Variants in KLHL20 observed in about 807,000 individuals in gnomAD.
KLHL20 encodes the protein kelch-like protein 20.
A neutral mutation model predicts 69.5 loss-of-function variants in KLHL20; 29 were observed. The observed-to-expected ratio is 0.42, with a 90% CI of 0.31 to 0.57. The LOEUF is 0.57. Ranked by LOEUF, KLHL20 falls within the 20% of genes least tolerant of loss-of-function variation. KLHL20 has a pLI of 0.18. For missense variants in KLHL20, 419 were observed against 776.0 expected (o/e 0.54, Z 5.47); for synonymous variants, 253 against 265.2 (o/e 0.95, Z 0.45).
intron 3 of KLHL20, chr1:173,734,536 A>G: frequency 2.2e-6 from 1 of 455,582 alleles, no homozygotes; most frequent in Non-Finnish European, 4.0e-6. Flanking sequence ...AAATTTTTAA[A>G]AAGGTTTATT....
At position 173,733,902 on chromosome 1, in the gene KLHL20, G is replaced by A. The variant is rs1414271910; in HGVS notation, c.213G>A (p.Val71=). 1.2e-6 allele frequency: 2 copies of A among 1,614,174 alleles called. No homozygotes were observed. Among genetic ancestry groups the A allele is most frequent in the South Asian group, 1.1e-5 (1 of 91,086 alleles). ...AGCACCGGGAGCTATGTGATGTGGT[G>A]CTAGTTGTGGGCGCCAAGAAGATAT... ...LRKHRELCDV[V]LVVGAKKIYA... The change falls in exon 3 of 12, where the codon GTG becomes GTA. Residue 71 remains valine (V), a synonymous_variant. Transcript: ENST00000209884.
At chr1:173,782,477 C>T (rs1406078230) in intron 11 of KLHL20, among the ~76,000 whole-genome samples, 3 of 151,920 alleles carry the variant, frequency 2.0e-5, no homozygotes, top group Admixed American at 1.3e-4. Context: ...GAAAAAAAAT[C>T]TTCCTAGTCC....
chr1:173,753,779 A>T (rs1673411213), intron 5 of KLHL20, among the ~76,000 whole-genome samples: 1 of 152,218 alleles, frequency 6.6e-6, no homozygotes, highest in Non-Finnish European at 1.5e-5. Context: ...AAAGATTTTC[A>T]CTAAAACTAG....
chr1:173,756,280 T>G (rs1199944323), intron 6 of KLHL20, among the ~76,000 whole-genome samples: 1 of 129,404 alleles, frequency 7.7e-6, no homozygotes, highest in Non-Finnish European at 1.5e-5. Context: ...TGTTGGCTGG[T>G]CACAGTGGCT....
At chr1:173,730,614 T>G (rs1481845757) in intron 2 of KLHL20, among the ~76,000 whole-genome samples, 2 of 152,144 alleles carry the variant, frequency 1.3e-5, no homozygotes. Flanking sequence ...AAACAAGCAA[T>G]GGGGAAAGGA....
chr1:173,724,635 T>A (rs968109779), intron 2 of KLHL20, among the ~76,000 whole-genome samples: 1 of 152,144 alleles, frequency 6.6e-6, no homozygotes, highest in Non-Finnish European at 1.5e-5. Context: ...ATATGAAATA[T>A]GAATATAAGA....
At chr1:173,751,543 T>C (rs1408733830) in intron 3 of KLHL20, among the ~76,000 whole-genome samples, 1 of 152,226 alleles carries the variant, frequency 6.6e-6, no homozygotes, top group East Asian at 1.9e-4. Flanking sequence ...TAAGTCATTT[T>C]TCTTAAATTG....
At chr1:173,743,194 C>T (rs1029985960) in intron 3 of KLHL20, among the ~76,000 whole-genome samples, 15 of 148,610 alleles carry the variant, frequency 1.0e-4, no homozygotes. Context: ...ATTAAAGAAA[C>T]ATATTTCAAA....
Position 173,785,160 on chromosome 1 carries a change from C to T in KLHL20, c.1746-3C>T, listed in dbSNP as rs1305090098. On this transcript the variant is annotated splice_region_variant and splice_polypyrimidine_tract_variant and intron_variant, in intron 11 of 11. Transcript: ENST00000209884. ...AAATATGATTATGTTTCTTTCTTTG[C>T]AGGTTATATGGCGGGATGAATTACC... The T allele has an allele frequency of 6.2e-7, 1 of 1,607,964 alleles. No homozygotes were observed. The highest frequency in any genetic ancestry group is 8.5e-7 in the Non-Finnish European group (1 of 1,177,312).
chr1:173,755,614 C>A (rs1673516392), intron 5 of KLHL20, among the ~76,000 whole-genome samples: 4 of 152,148 alleles, frequency 2.6e-5, no homozygotes, highest in Admixed American at 2.6e-4. Context: ...AGTAGTAACT[C>A]TGCAGTGTGG....
At chr1:173,751,978 C>T in intron 4 of KLHL20, 56 bp downstream of exon 4, 1 of 1,544,262 alleles carries the variant, frequency 6.5e-7, no homozygotes, top group South Asian at 1.2e-5. Context: ...TGGCTCATGA[C>T]TGTAATCCCA....
intron 7 of KLHL20, among the ~76,000 whole-genome samples, chr1:173,764,173 G>A (rs138590763): frequency 0.026 from 3,905 of 152,196 alleles, 184 homozygotes; most frequent in African/African-American, 0.09. Context: ...ACCACAATGC[G>A]ATACCACCTT....
rs1648411098 is a variant in KLHL20 at position 173,775,648 on chromosome 1, C to A, written c.1444C>A (p.Pro482Thr). The A allele has an allele frequency of 1.2e-6, 2 of 1,613,964 alleles. No homozygotes were observed. Among genetic ancestry groups the A allele is most frequent in the South Asian group, 2.2e-5 (2 of 91,076 alleles). The stretch of plus-strand genomic sequence containing the variant: ...TTTCCCTACAGTGGAACGTTACAAT[C>A]CTCAGGAAAACAGATGGCACACTAT... Reference protein sequence around the residue: ...SPLNTVERYNPQENRWHTIAP... With the variant: ...SPLNTVERYNTQENRWHTIAP... Residue 482 changes from proline (P) to threonine (T), a missense_variant, in exon 10 of 12, where the codon CCT becomes ACT. Around this residue, in one of 6 missense-constraint regions of KLHL20, gnomAD observed 56 missense variants for 75.9 expected, o/e 0.74. Transcript: ENST00000209884.
At chr1:173,775,875 A>G (rs749388157) in intron 10 of KLHL20, 33 bp downstream of exon 10, 3 of 1,584,182 alleles carry the variant, frequency 1.9e-6, no homozygotes, top group African/African-American at 1.3e-5. Context: ...GTTGCTTCCA[A>G]ATCTTGGCTA....
chr1:173,774,182 T>C, intron 8 of KLHL20, 123 bp from the exon 9 acceptor site: 1 of 1,135,012 alleles, frequency 8.8e-7, no homozygotes, highest in Non-Finnish European at 1.3e-6. Flanking sequence ...ATGTTAGATT[T>C]TCATTGCACA....
At chr1:173,767,523 C>T (rs770255824) in intron 8 of KLHL20, among the ~76,000 whole-genome samples, 9 of 152,080 alleles carry the variant, frequency 5.9e-5, no homozygotes, top group Non-Finnish European at 1.3e-4. Context: ...CAGGGGTTTC[C>T]TTTTCTCCAT....
rs150883628 is a variant in KLHL20 at position 173,761,480 on chromosome 1, A to T, written c.1151+4321A>T. Among the ~76,000 whole-genome samples the T allele has an allele frequency of 3.5e-3, 535 of 152,340 alleles. 3 individuals are homozygous for T. Among genetic ancestry groups the T allele is most frequent in the African/African-American group, 0.011 (458 of 41,582 alleles). ...AACTTTCTCCAAGATAGACCATAAGATAGGTCATAAAATGAGCCCCAATAA... is the reference window on the plus strand; with the variant it reads ...AACTTTCTCCAAGATAGACCATAAGTTAGGTCATAAAATGAGCCCCAATAA... On this transcript the variant is annotated intron_variant, in intron 7 of 11. Transcript: ENST00000209884.
At chr1:173,777,209 A>G (rs1343299698) in intron 10 of KLHL20, among the ~76,000 whole-genome samples, 1 of 151,896 alleles carries the variant, frequency 6.6e-6, no homozygotes, top group African/African-American at 2.4e-5. Context: ...TCTTTTTCAG[A>G]TTGTTTGCTG....
In KLHL20 at chr1:173,720,234, G is replaced by T. The variant is rs1182053236; in HGVS notation, c.23+4168G>T. Among the ~76,000 whole-genome samples, 2 of 152,044 alleles carry T rather than the reference G, an allele frequency of 1.3e-5. 1 individual carries two copies. The highest frequency in any genetic ancestry group is 2.9e-5 in the Non-Finnish European group (2 of 68,018). The stretch of plus-strand genomic sequence containing the variant: ...GAGATGAGGAAGCATCACAGAGATG[G>T]TAACATTTGAGCTAGATCTTCTAGG... On this transcript the variant is annotated intron_variant, in intron 2 of 11. Transcript: ENST00000209884.
Sources: allele counts gnomAD v4.1 joint callset (sites outside exome capture counted in the v4.1 genomes callset), GRCh38; gene constraint gnomAD v4.1.1; regional missense constraint gnomAD v4.1.1; transcripts MANE v1.5; gene names NCBI Gene and HGNC (gene_info 2026-07-23, HGNC 2026-07-21).